CPQ: variants seen among roughly 807,000 people sequenced by gnomAD.
The protein encoded by CPQ is carboxypeptidase Q, also known as Ser-Met dipeptidase.
A neutral mutation model predicts 45.7 loss-of-function variants in CPQ; 37 were observed. That is an observed-to-expected ratio of 0.81 (90% confidence interval 0.62 to 1.07). The LOEUF is 1.07. Among genes scored for constraint, CPQ ranks in the 50% least tolerant of loss-of-function variants. The probability of loss-of-function intolerance (pLI) is 0.00; values close to 1 mark genes in which losing one functional copy is unlikely to be tolerated. For synonymous variants in CPQ, 186 were observed against 205.8 expected (o/e 0.90, Z 0.82); for missense variants, 537 against 572.9 (o/e 0.94, Z 0.64).
intron 1 of CPQ, among the ~76,000 whole-genome samples, chr8:96,738,350 A>G (rs1232694528): frequency 6.6e-6 from 1 of 152,108 alleles, no homozygotes; most frequent in Non-Finnish European, 1.5e-5. Flanking sequence ...TCTGTAGTCC[A>G]GATATTTTTT....
chr8:96,812,898 T>A (rs913430329), intron 2 of CPQ, among the ~76,000 whole-genome samples: 7 of 145,532 alleles, frequency 4.8e-5, no homozygotes, highest in African/African-American at 1.5e-4. Context: ...CATTCCTGTT[T>A]AAAAAAAAAA....
intron 5 of CPQ, among the ~76,000 whole-genome samples, chr8:97,015,072 AT>A (rs1389336472): frequency 6.6e-6 from 1 of 152,186 alleles, no homozygotes; most frequent in Non-Finnish European, 1.5e-5. Context: ...AAAAAATAAA[AT>A]TTAAAAAACC....
chr8:97,012,838 C>T (rs1809513622), intron 5 of CPQ, among the ~76,000 whole-genome samples: 2 of 152,182 alleles, frequency 1.3e-5, no homozygotes, highest in African/African-American at 4.8e-5. Flanking sequence ...ACTGAAATTT[C>T]ATGTAAACAC....
At chr8:97,048,130 C>T (rs889296296) in intron 6 of CPQ, among the ~76,000 whole-genome samples, 5 of 152,150 alleles carry the variant, frequency 3.3e-5, no homozygotes, top group East Asian at 1.9e-4. Context: ...AGAGATTTTA[C>T]GTATGTCAGT....
chr8:97,041,288 CT>C (rs1810119207), intron 6 of CPQ, among the ~76,000 whole-genome samples: 1 of 152,026 alleles, frequency 6.6e-6, no homozygotes, highest in Non-Finnish European at 1.5e-5. Context: ...CTCTGTTTGT[CT>C]GTTATTGGTG....
At chr8:96,650,176 G>C (rs1041517157) in intron 1 of CPQ, among the ~76,000 whole-genome samples, 7 of 152,206 alleles carry the variant, frequency 4.6e-5, no homozygotes, top group Non-Finnish European at 7.3e-5. Context: ...GCTGGGCAGA[G>C]GGCTTGATCT....
chr8:96,996,205 A>G (rs949829521), intron 5 of CPQ, among the ~76,000 whole-genome samples: 1 of 152,000 alleles, frequency 6.6e-6, no homozygotes, highest in African/African-American at 2.4e-5. Flanking sequence ...GGGAAGGTGG[A>G]AGTCTTCTCA....
chr8:96,651,056 G>T (rs1231119679), intron 1 of CPQ, among the ~76,000 whole-genome samples: 2 of 152,270 alleles, frequency 1.3e-5, no homozygotes, highest in African/African-American at 4.8e-5. Flanking sequence ...TCTGACTTGG[G>T]TATTGAATAT....
intron 2 of CPQ, among the ~76,000 whole-genome samples, chr8:96,807,397 C>T (rs978860125): frequency 6.6e-6 from 1 of 152,068 alleles, no homozygotes; most frequent in African/African-American, 2.4e-5. Context: ...CCATGCCCGG[C>T]TGATTTTTTG....
At chr8:96,938,917 C>T (rs775509431) in intron 4 of CPQ, among the ~76,000 whole-genome samples, 2 of 152,140 alleles carry the variant, frequency 1.3e-5, no homozygotes, top group African/African-American at 4.8e-5. Flanking sequence ...TGCTGTAGTA[C>T]GATTCTGGGA....
At chr8:96,968,698 A>G (rs980558698) in intron 5 of CPQ, among the ~76,000 whole-genome samples, 2 of 152,240 alleles carry the variant, frequency 1.3e-5, no homozygotes, top group Non-Finnish European at 2.9e-5. Flanking sequence ...GAGCTGGTCC[A>G]GTGGGGATCT....
In CPQ at chr8:96,956,403, A is replaced by T. The variant is rs558187270; in HGVS notation, c.850-9532A>T. On this transcript the variant is annotated intron_variant, in intron 4 of 7. Coordinates refer to ENST00000220763, the MANE Select transcript of CPQ (RefSeq NM_016134.4). ...GACCATTTTTTTTGAGTTGTGATACACAAACATTATAAGGTTAATCAGCAT... is the reference window on the plus strand; with the variant it reads ...GACCATTTTTTTTGAGTTGTGATACTCAAACATTATAAGGTTAATCAGCAT... Among the ~76,000 whole-genome samples, 4 of 152,248 alleles carry T rather than the reference A, an allele frequency of 2.6e-5. No individual in the cohort carries two copies. The East Asian group carries it at 7.7e-4, about 29-fold the overall frequency.
At chr8:96,685,768 T>A (rs1184928793) in intron 1 of CPQ, among the ~76,000 whole-genome samples, 1 of 152,182 alleles carries the variant, frequency 6.6e-6, no homozygotes, top group African/African-American at 2.4e-5. Context: ...GTTAATTGTG[T>A]GTGTGTGAAT....
chr8:96,795,976 A>G (rs965914695), intron 2 of CPQ, among the ~76,000 whole-genome samples: 1 of 152,060 alleles, frequency 6.6e-6, no homozygotes, highest in African/African-American at 2.4e-5. Flanking sequence ...CACAATAGAT[A>G]TGTAAACATT....
At chr8:96,768,876 T>C (rs116399897) in intron 1 of CPQ, among the ~76,000 whole-genome samples, 210 of 152,292 alleles carry the variant, frequency 1.4e-3, no homozygotes, top group African/African-American at 4.7e-3. Flanking sequence ...AAATTACTAA[T>C]ATCTCTACCA....
At chr8:97,029,130 T>C (rs1055113067) in intron 5 of CPQ, among the ~76,000 whole-genome samples, 1 of 152,182 alleles carries the variant, frequency 6.6e-6, no homozygotes. Flanking sequence ...CTGGGCAGGA[T>C]ATCAAGTTAA....
At chr8:97,117,700 T>C (rs1422014618) in intron 7 of CPQ, among the ~76,000 whole-genome samples, 4 of 152,072 alleles carry the variant, frequency 2.6e-5, no homozygotes, top group African/African-American at 4.8e-5. Flanking sequence ...ACCTGGCTAA[T>C]TTTTTATTTT....
At chr8:97,070,100 G>A (rs144251003) in intron 7 of CPQ, among the ~76,000 whole-genome samples, 2 of 152,170 alleles carry the variant, frequency 1.3e-5, no homozygotes, top group African/African-American at 2.4e-5. Flanking sequence ...TGTACTTTCC[G>A]CATAAACTCT....
intron 6 of CPQ, among the ~76,000 whole-genome samples, chr8:97,041,146 C>T (rs1446273517): frequency 6.6e-6 from 1 of 152,084 alleles, no homozygotes; most frequent in Non-Finnish European, 1.5e-5. Context: ...TCTTTGTATC[C>T]TCTTTTATTT....
Sources: allele counts gnomAD v4.1 joint callset (sites outside exome capture counted in the v4.1 genomes callset), GRCh38; gene constraint gnomAD v4.1.1; transcripts MANE v1.5; gene names NCBI Gene and HGNC (gene_info 2026-07-23, HGNC 2026-07-21).